The following CHRDL2 variants were observed in gnomAD, a reference collection of about 807,000 sequenced individuals.
CHRDL2 encodes chordin like 2.
In CHRDL2, 41 loss-of-function variants were observed where a neutral mutation model predicts 54.3. That is an observed-to-expected ratio of 0.76 (90% CI 0.59 to 0.98). The LOEUF is 0.98. Among genes scored for constraint, CHRDL2 ranks in the 50% least tolerant of loss-of-function variants. The pLI is 0.00. For missense variants in CHRDL2, 518 were observed against 562.4 expected (o/e 0.92, Z 0.80); for synonymous variants, 220 against 224.3 (o/e 0.98, Z 0.17).
At chr11:74,706,319 G>A (rs558817933) in intron 6 of CHRDL2, among the ~76,000 whole-genome samples, 168 bp downstream of exon 6, 1 of 152,190 alleles carries the variant, frequency 6.6e-6, no homozygotes, top group Middle Eastern at 3.4e-3. Context: ...ACCCATGATG[G>A]GAGGCTAGGG....
At chr11:74,699,136 G>T (rs1463284516) in intron 9 of CHRDL2, 1 of 152,372 alleles carries the variant, frequency 6.6e-6, no homozygotes, top group South Asian at 2.1e-4. Context: ...ATATCATAGC[G>T]GCAGGCAACA....
At position 74,697,104 on chromosome 11, in the gene CHRDL2, C is replaced by T. The variant is rs996197918; in HGVS notation, c.1213+101G>A. 7 of 860,708 alleles carry T rather than the reference C, an allele frequency of 8.1e-6. No individual in the cohort carries two copies. In the African/African-American group the frequency reaches 9.9e-5, roughly 12 times the overall value. The allele number at this position is 860,708 out of a possible 1,614,324, so 53.3% of individuals were successfully genotyped here. Reference sequence around the variant, plus strand: ...GAACTGACGTCTGTGGCTGACAGCCCCTCCTCCCGGCACCAGCAGCCTGGG... The same window carrying T: ...GAACTGACGTCTGTGGCTGACAGCCTCTCCTCCCGGCACCAGCAGCCTGGG... On this transcript the variant is annotated intron_variant, in intron 10 of 10. Transcript: ENST00000376332.
chr11:74,714,151 GT>G (rs967673467), intron 2 of CHRDL2, among the ~76,000 whole-genome samples: 24 of 148,476 alleles, frequency 1.6e-4, no homozygotes, highest in African/African-American at 2.2e-4. Flanking sequence ...TCTCCAGGCA[GT>G]TTTTTTTTTG....
intron 1 of CHRDL2, among the ~76,000 whole-genome samples, chr11:74,723,601 C>T (rs2034529450): frequency 1.3e-5 from 2 of 152,162 alleles, no homozygotes; most frequent in African/African-American, 2.4e-5. Flanking sequence ...CACTGCTACT[C>T]GTGCTTTGGT....
intron 3 of CHRDL2, among the ~76,000 whole-genome samples, chr11:74,712,552 C>G (rs1206939851): frequency 6.6e-6 from 1 of 152,150 alleles, no homozygotes; most frequent in Non-Finnish European, 1.5e-5. Flanking sequence ...CCAGGAATCT[C>G]TATGACCCAT....
intron 4 of CHRDL2, among the ~76,000 whole-genome samples, chr11:74,710,133 A>C (rs768759001): frequency 6.6e-6 from 1 of 151,440 alleles, no homozygotes; most frequent in African/African-American, 2.4e-5. Context: ...GGAGAATGGC[A>C]TGAACCCGGG....
At chr11:74,730,248 A>T (rs2034630602) in intron 1 of CHRDL2, among the ~76,000 whole-genome samples, 1 of 151,898 alleles carries the variant, frequency 6.6e-6, no homozygotes. Flanking sequence ...AAAGCATGGG[A>T]TCTGGAACTA....
intron 1 of CHRDL2, chr11:74,719,378 C>CTG (rs1476494739): frequency 8.0e-5 from 8 of 99,826 alleles, no homozygotes; most frequent in Non-Finnish European, 1.6e-4. Context: ...TCCCCCTCCC[C>CTG]TGTACACACA....
At chr11:74,722,816 G>A (rs1378918853) in intron 1 of CHRDL2, among the ~76,000 whole-genome samples, 7 of 152,160 alleles carry the variant, frequency 4.6e-5, no homozygotes, top group Admixed American at 3.9e-4. Context: ...GACCTTGGGC[G>A]GGGATACAGA....
Position 74,718,806 on chromosome 11 carries a change from C to T in CHRDL2, c.109G>A (p.Gly37Arg), listed in dbSNP as rs1364568123. The change falls in exon 2 of 11, where the codon GGG (glycine) becomes AGG (arginine). Residue 37 changes from glycine (G) to arginine (R), a missense_variant. Transcript: ENST00000376332. ...CTCTCGCCGGGGGAGTATCTCTTCC[C>T]ATGGAAAAGGCAGAACATGTCTGGG... The part of the protein sequence containing the change: ...ARPDMFCLFH[G>R]KRYSPGESWH... 1.9e-6 allele frequency: 3 copies of T among 1,612,796 alleles called. No individual in the cohort carries two copies. The highest frequency in any genetic ancestry group is 2.5e-6 in the Non-Finnish European group (3 of 1,179,430).
chr11:74,706,505 C>G lies in CHRDL2; in HGVS notation c.564G>C (p.Val188=). The G allele has an allele frequency of 1.2e-6, 2 of 1,614,118 alleles. No homozygotes were observed. The highest frequency in any genetic ancestry group is 1.7e-6 in the Non-Finnish European group (2 of 1,179,976). Residue 188 remains valine, a synonymous_variant, in exon 6 of 11, where the codon GTG becomes GTC. Coordinates refer to ENST00000376332, the MANE Select transcript of CHRDL2 (RefSeq NM_001278473.3). The part of the protein sequence containing the change: ...ASEQSDEEDS[V]QSLHGVRHPQ... Reference sequence around the variant, plus strand: ...CACTCACCACCCCATGGAGCGACTGCACACTGTCCTCTTCATCCGATTGCT... The same window carrying G: ...CACTCACCACCCCATGGAGCGACTGGACACTGTCCTCTTCATCCGATTGCT...
chr11:74,718,859 G>T, intron 1 of CHRDL2, 27 bp from the exon 2 acceptor site: 1 of 1,430,284 alleles, frequency 7.0e-7, no homozygotes, highest in Non-Finnish European at 9.8e-7. Context: ...TGCCATGTTA[G>T]TCCCAGGAGG....
chr11:74,719,817 C>T (rs1343398030), intron 1 of CHRDL2, among the ~76,000 whole-genome samples: 4 of 152,176 alleles, frequency 2.6e-5, no homozygotes, highest in African/African-American at 9.7e-5. Context: ...TTCTCACCTC[C>T]CATAACCCAC....
chr11:74,730,909 G>A lies in CHRDL2; in HGVS notation c.-21C>T, dbSNP rs79320513. ...ACCATCCTTTCCCCAGGGTCAGGCC[G>A]CTGGTCCGGGAGCGGAGTCGGGAGG... On this transcript the variant is annotated 5_prime_UTR_variant, in exon 1 of 11. Transcript: ENST00000376332. 2.1e-5 allele frequency: 33 copies of A among 1,591,194 alleles called. No individual in the cohort carries two copies. The African/African-American group carries it at 4.0e-4, about 19-fold the overall frequency.
chr11:74,720,733 A>C (rs2034483443), intron 1 of CHRDL2, among the ~76,000 whole-genome samples: 2 of 152,136 alleles, frequency 1.3e-5, no homozygotes, highest in African/African-American at 4.8e-5. Context: ...GTGAGCGGGG[A>C]GCTCACATTC....
intron 1 of CHRDL2, among the ~76,000 whole-genome samples, chr11:74,720,079 T>C (rs2034468842): frequency 1.3e-5 from 2 of 152,192 alleles, no homozygotes; most frequent in South Asian, 4.1e-4. Flanking sequence ...TTAAATGAGA[T>C]TGAAATATGG....
intron 7 of CHRDL2, 54 bp downstream of exon 7, chr11:74,704,432 C>A: frequency 1.3e-6 from 2 of 1,528,610 alleles, no homozygotes; most frequent in Non-Finnish European, 8.9e-7. Context: ...GAGGTGGGAG[C>A]AGTCAGGGCC....
At chr11:74,727,524 C>T (rs2034590818) in intron 1 of CHRDL2, among the ~76,000 whole-genome samples, 1 of 152,170 alleles carries the variant, frequency 6.6e-6, no homozygotes, top group African/African-American at 2.4e-5. Context: ...TCCACCTCAG[C>T]CTGCCGAATA....
chr11:74,706,621 G>C, intron 5 of CHRDL2, 79 bp from the exon 6 acceptor site: 1 of 1,369,708 alleles, frequency 7.3e-7, no homozygotes, highest in South Asian at 1.2e-5. Context: ...TCCACCTATA[G>C]GCTCTGTCCA....
Sources: allele counts gnomAD v4.1 joint callset (sites outside exome capture counted in the v4.1 genomes callset), GRCh38; gene constraint gnomAD v4.1.1; transcripts MANE v1.5; gene names NCBI Gene and HGNC (gene_info 2026-07-23, HGNC 2026-07-21).